GALNT13: variants seen among roughly 807,000 people sequenced by gnomAD.
GALNT13 encodes UDP-GalNAc:polypeptide N-acetylgalactosaminyltransferase 13.
GALNT13 carries 28 observed loss-of-function variants against 64.2 expected under a neutral mutation model. That is an observed-to-expected ratio of 0.44 (90% CI 0.32 to 0.60). The LOEUF is 0.60. Among genes scored for constraint, GALNT13 ranks in the 20% least tolerant of loss-of-function variants. The pLI, the probability that GALNT13 is intolerant of heterozygous loss-of-function variation, is 0.05. For missense variants in GALNT13, 577 were observed against 669.8 expected (o/e 0.86, Z 1.53); for synonymous variants, 214 against 224.6 (o/e 0.95, Z 0.42).
chr2:153,382,132 C>T, the GALNT13 span, among the ~76,000 whole-genome samples: 1 of 152,012 alleles, frequency 6.6e-6, no homozygotes, highest in Non-Finnish European at 1.5e-5. Flanking sequence ...TAAGGATGGT[C>T]TCTTGTGATA....
chr2:154,296,772 CT>C (rs966037575), intron 8 of GALNT13, among the ~76,000 whole-genome samples: 48 of 151,342 alleles, frequency 3.2e-4, no homozygotes, highest in African/African-American at 9.7e-4. Flanking sequence ...TTTAAAGATT[CT>C]TTTTTTTTGT....
Position 153,983,728 on chromosome 2 carries a change from T to G in GALNT13, c.142+39089T>G, listed in dbSNP as rs1308586428. Among the ~76,000 whole-genome samples, 5 of 152,126 alleles carry G rather than the reference T, an allele frequency of 3.3e-5. No individual in the cohort carries two copies. In the East Asian group the frequency reaches 9.7e-4, roughly 29 times the overall value. On this transcript the variant is annotated intron_variant, in intron 3 of 12. Transcript: ENST00000392825. ...TTGCAACCCTTTATGTCCTTGGCATTCTATCTCATTACATAAACATGCTGT... is the reference window on the plus strand; with the variant it reads ...TTGCAACCCTTTATGTCCTTGGCATGCTATCTCATTACATAAACATGCTGT...
At chr2:153,432,106 G>GA in the GALNT13 span, among the ~76,000 whole-genome samples, 12 of 151,288 alleles carry the variant, frequency 7.9e-5, no homozygotes, top group South Asian at 2.1e-4. Flanking sequence ...CTGGAAATGG[G>GA]AAAAAAAAGG....
chr2:153,525,075 C>T, the GALNT13 span, among the ~76,000 whole-genome samples: 2 of 152,184 alleles, frequency 1.3e-5, no homozygotes, highest in African/African-American at 2.4e-5. Flanking sequence ...TAAGATAGGG[C>T]ACCAGTAAGA....
intron 8 of GALNT13, among the ~76,000 whole-genome samples, chr2:154,301,162 T>C (rs545105482): frequency 2.0e-5 from 3 of 152,274 alleles, no homozygotes; most frequent in East Asian, 1.9e-4. Flanking sequence ...AGAAATTAGG[T>C]ATTCTAATAA....
the GALNT13 span, among the ~76,000 whole-genome samples, chr2:153,328,648 C>T: frequency 6.6e-6 from 1 of 152,078 alleles, no homozygotes; most frequent in African/African-American, 2.4e-5. Flanking sequence ...TGGTGGACGC[C>T]CCTCCCCATA....
chr2:153,141,753 C>T, the GALNT13 span, among the ~76,000 whole-genome samples: 1 of 151,986 alleles, frequency 6.6e-6, no homozygotes, highest in African/African-American at 2.4e-5. Context: ...GCTCCCCATA[C>T]CATCATTATA....
chr2:153,594,943 C>T, the GALNT13 span, among the ~76,000 whole-genome samples: 4 of 151,952 alleles, frequency 2.6e-5, no homozygotes, highest in African/African-American at 9.7e-5. Context: ...AACCAATAAG[C>T]AGATCAAAAT....
At chr2:153,434,330 T>G in the GALNT13 span, among the ~76,000 whole-genome samples, 3 of 152,218 alleles carry the variant, frequency 2.0e-5, no homozygotes, top group Admixed American at 6.5e-5. Context: ...TTTATAATCC[T>G]TTGGGTATAT....
chr2:153,812,892 AG>A, the GALNT13 span, among the ~76,000 whole-genome samples: 2 of 152,220 alleles, frequency 1.3e-5, no homozygotes, highest in African/African-American at 4.8e-5. Flanking sequence ...AAGATCCTCC[AG>A]GGTTTCTTCT....
chr2:153,208,556 C>T, the GALNT13 span, among the ~76,000 whole-genome samples: 27,379 of 151,662 alleles, frequency 0.18, 2,518 homozygotes, highest in African/African-American at 0.22. Context: ...TCTGGTTGAT[C>T]GGCATTTAAT....
chr2:153,226,198 C>T, the GALNT13 span, among the ~76,000 whole-genome samples: 90 of 152,140 alleles, frequency 5.9e-4, no homozygotes, highest in South Asian at 1.9e-3. Flanking sequence ...TCCCAAAGTG[C>T]TGGGATTACA....
chr2:153,368,141 C>T, the GALNT13 span, among the ~76,000 whole-genome samples: 3 of 152,022 alleles, frequency 2.0e-5, no homozygotes, highest in African/African-American at 4.8e-5. Context: ...ATGCAGACAC[C>T]ATCTGTTATG....
chr2:153,520,813 A>G, the GALNT13 span, among the ~76,000 whole-genome samples: 1 of 152,164 alleles, frequency 6.6e-6, no homozygotes, highest in Admixed American at 6.5e-5. Context: ...TAATAATCAA[A>G]TCTGAATAAT....
At chr2:153,905,487 A>T (rs1473085329) in intron 2 of GALNT13, among the ~76,000 whole-genome samples, 1 of 152,002 alleles carries the variant, frequency 6.6e-6, no homozygotes, top group African/African-American at 2.4e-5. Flanking sequence ...TACTGTAATA[A>T]AAGTTATGTG....
chr2:154,212,927 T>C (rs1687857003), intron 4 of GALNT13, among the ~76,000 whole-genome samples: 1 of 152,042 alleles, frequency 6.6e-6, no homozygotes, highest in African/African-American at 2.4e-5. Flanking sequence ...GATCTCAAAG[T>C]GTTATCTGGC....
intron 3 of GALNT13, among the ~76,000 whole-genome samples, chr2:153,996,959 C>T (rs775853272): frequency 6.6e-6 from 1 of 151,924 alleles, no homozygotes; most frequent in African/African-American, 2.4e-5. Flanking sequence ...TTCTCAGCAC[C>T]TTTGTAAAAA....
At chr2:154,446,310 C>T (rs1468768429) in intron 12 of GALNT13, among the ~76,000 whole-genome samples, 2 of 151,984 alleles carry the variant, frequency 1.3e-5, no homozygotes, top group Non-Finnish European at 2.9e-5. Flanking sequence ...TCTAAAATAA[C>T]CTTTTGCCAA....
At chr2:153,600,627 CG>C in the GALNT13 span, among the ~76,000 whole-genome samples, 1 of 152,056 alleles carries the variant, frequency 6.6e-6, no homozygotes, top group East Asian at 1.9e-4. Flanking sequence ...ATCCTCCCAA[CG>C]CCATATTTTC....
Sources: gnomAD v4.1 joint callset for allele counts (sites outside exome capture counted in the v4.1 genomes callset) on GRCh38, gnomAD v4.1.1 for gene constraint, MANE v1.5 for transcripts, NCBI Gene and HGNC (gene_info 2026-07-23, HGNC 2026-07-21) for gene names.